ZDHHC17: variants seen among roughly 807,000 people sequenced by gnomAD.
The protein encoded by ZDHHC17 is zDHHC palmitoyltransferase 17.
ZDHHC17 carries 40 observed loss-of-function variants against 90.3 expected under a neutral mutation model. The observed-to-expected ratio is 0.44, with a 90% confidence interval of 0.34 to 0.58. The LOEUF (loss-of-function observed/expected upper bound fraction) is 0.58. Among genes scored for constraint, ZDHHC17 ranks in the 20% least tolerant of loss-of-function variants. ZDHHC17 has a pLI of 0.01. For synonymous variants in ZDHHC17, 235 were observed against 252.4 expected, an observed-to-expected ratio of 0.93 and a Z score of 0.65; for missense variants, 614 against 780.8, an observed-to-expected ratio of 0.79 and a Z score of 2.55.
At chr12:76,764,649 A>C in intron 1 of ZDHHC17, 1 of 495,368 alleles carries the variant, frequency 2.0e-6, no homozygotes. Flanking sequence ...TGGTTTTTGA[A>C]CCGCAGCTTA....
intron 2 of ZDHHC17, among the ~76,000 whole-genome samples, chr12:76,801,718 A>G (rs1250508348): frequency 6.6e-6 from 1 of 152,236 alleles, no homozygotes; most frequent in Non-Finnish European, 1.5e-5. Flanking sequence ...GAATTTATAC[A>G]GATTAATGCC....
intron 1 of ZDHHC17, among the ~76,000 whole-genome samples, chr12:76,779,766 T>C (rs1483091660): frequency 6.6e-6 from 1 of 152,228 alleles, no homozygotes; most frequent in Non-Finnish European, 1.5e-5. Flanking sequence ...ATCCCAAAGA[T>C]TGTCTTCTGT....
chr12:76,806,499 G>A (rs576860695), intron 3 of ZDHHC17, among the ~76,000 whole-genome samples: 60 of 152,092 alleles, frequency 3.9e-4, no homozygotes, highest in African/African-American at 1.1e-3. Context: ...ATAGGCCTGC[G>A]CCTATATAAA....
chr12:76,816,697 G>T (rs1284332762), intron 7 of ZDHHC17, among the ~76,000 whole-genome samples: 1 of 151,816 alleles, frequency 6.6e-6, no homozygotes, highest in Non-Finnish European at 1.5e-5. Flanking sequence ...GCTGGATCAG[G>T]GTATCTCTTT....
At chr12:76,810,005 G>A (rs1160949177) in intron 5 of ZDHHC17, 148 bp downstream of exon 5, 2 of 797,666 alleles carry the variant, frequency 2.5e-6, no homozygotes, top group Admixed American at 3.2e-5. Context: ...TTGATATGGA[G>A]ATATTTAATG....
chr12:76,819,730 C>T (rs1953137262), intron 7 of ZDHHC17, among the ~76,000 whole-genome samples: 1 of 152,180 alleles, frequency 6.6e-6, no homozygotes, highest in Non-Finnish European at 1.5e-5. Flanking sequence ...GGCACTGTGG[C>T]TCATGCCTGT....
intron 1 of ZDHHC17, 102 bp from the exon 2 acceptor site, chr12:76,797,332 T>C: frequency 1.5e-6 from 1 of 652,890 alleles, no homozygotes; most frequent in Non-Finnish European, 2.4e-6. Flanking sequence ...TTTCAGTAAT[T>C]AGCATTTCTC....
chr12:76,847,968 T>C (rs1279318920), intron 14 of ZDHHC17, among the ~76,000 whole-genome samples: 1 of 152,260 alleles, frequency 6.6e-6, no homozygotes, highest in East Asian at 1.9e-4. Flanking sequence ...CTAAGTATTA[T>C]GTGATGCAAT....
intron 10 of ZDHHC17, 121 bp downstream of exon 10, chr12:76,828,611 A>T (rs1953260004): frequency 1.3e-6 from 1 of 792,328 alleles, no homozygotes; most frequent in African/African-American, 1.8e-5. Context: ...TAGTGTTCCT[A>T]GAAAATTTAG....
intron 2 of ZDHHC17, among the ~76,000 whole-genome samples, chr12:76,798,294 T>C (rs1042519231): frequency 4.6e-5 from 7 of 152,144 alleles, no homozygotes; most frequent in African/African-American, 1.2e-4. Context: ...GTCTTCGAGA[T>C]AGGCAAAGGA....
chr12:76,828,775 T>C (rs911709590), intron 10 of ZDHHC17, among the ~76,000 whole-genome samples: 3 of 152,202 alleles, frequency 2.0e-5, no homozygotes, highest in East Asian at 1.9e-4. Context: ...TAAATTAGTA[T>C]TGTTATCCCC....
chr12:76,848,831 T>A (rs553205798), intron 15 of ZDHHC17, among the ~76,000 whole-genome samples: 1 of 152,278 alleles, frequency 6.6e-6, no homozygotes, highest in East Asian at 1.9e-4. Context: ...TGTCTTTAAA[T>A]ATTTTCCACA....
chr12:76,809,818 A>AC lies in ZDHHC17; in HGVS notation c.505dup (p.His169ProfsTer32). On this transcript the variant is annotated frameshift_variant, in exon 5 of 17. Transcript: ENST00000426126. LOFTEE classifies it high-confidence loss of function. ...GTATTCATCTGGCTGCTCAGTTCGG[A>AC]CATACCTCAATTGTTGCTTATCTCA... 1 of 1,611,378 alleles carries AC rather than the reference A, an allele frequency of 6.2e-7. No homozygotes were observed. Among genetic ancestry groups the AC allele is most frequent in the Non-Finnish European group, 8.5e-7 (1 of 1,178,714 alleles).
At chr12:76,830,407 C>T (rs1250365592) in intron 10 of ZDHHC17, among the ~76,000 whole-genome samples, 1 of 152,108 alleles carries the variant, frequency 6.6e-6, no homozygotes. Flanking sequence ...ATTTTTACTG[C>T]ATTATGTAAT....
At chr12:76,811,049 C>T (rs915767490) in intron 5 of ZDHHC17, among the ~76,000 whole-genome samples, 1 of 152,164 alleles carries the variant, frequency 6.6e-6, no homozygotes, top group South Asian at 2.1e-4. Flanking sequence ...TGGCTTAGAG[C>T]TCCCAAAAGA....
At position 76,848,303 on chromosome 12, in the gene ZDHHC17, G is replaced by T. The variant is rs764332290; in HGVS notation, c.1578G>T (p.Thr526=). The T allele has an allele frequency of 1.2e-6, 2 of 1,613,918 alleles. No individual in the cohort carries two copies. Among genetic ancestry groups the T allele is most frequent in the Non-Finnish European group, 1.7e-6 (2 of 1,179,864 alleles). ...GFWTYITQIA[T]CSPWMFWMFL... ...GGACATACATTACTCAGATTGCCAC[G>T]TGTTCACCTTGGATGTTTTGGATGT... Residue 526 remains threonine, a synonymous_variant, in exon 15 of 17, where the codon ACG becomes ACT. Coordinates refer to ENST00000426126, the MANE Select transcript of ZDHHC17 (RefSeq NM_015336.4).
At chr12:76,846,569 A>C in intron 13 of ZDHHC17, 27 bp from the exon 14 acceptor site, 2 of 1,593,704 alleles carry the variant, frequency 1.3e-6, no homozygotes, top group East Asian at 2.2e-5. Flanking sequence ...CTTAGCTGAA[A>C]AACCTTGCTT....
chr12:76,791,116 A>G (rs1952754721), intron 1 of ZDHHC17, among the ~76,000 whole-genome samples: 2 of 152,234 alleles, frequency 1.3e-5, no homozygotes, highest in Non-Finnish European at 2.9e-5. Flanking sequence ...ATAAAAGCCG[A>G]GAAAACATGG....
In ZDHHC17 at chr12:76,764,219, G is replaced by T; in HGVS notation, c.-18G>T. ...CGCCTCGCCCGAGCCCCGGGAGGGT[G>T]AAACGCTTTCTCCCAGCATGCAGCG... On this transcript the variant is annotated 5_prime_UTR_variant, in exon 1 of 17. Transcript: ENST00000426126. The T allele has an allele frequency of 6.4e-7, 1 of 1,573,292 alleles. No homozygotes were observed. Among genetic ancestry groups the T allele is most frequent in the East Asian group, 2.4e-5 (1 of 42,172 alleles).
Sources: allele counts gnomAD v4.1 joint callset (sites outside exome capture counted in the v4.1 genomes callset), GRCh38; gene constraint gnomAD v4.1.1; transcripts MANE v1.5; gene names NCBI Gene and HGNC (gene_info 2026-07-23, HGNC 2026-07-21).